Variants in PTPRT observed in about 807,000 individuals in gnomAD.
The protein encoded by PTPRT is receptor-type tyrosine-protein phosphatase T.
Under a neutral mutation model 176.8 loss-of-function variants are expected in PTPRT, and 56 were observed. That is an observed-to-expected ratio of 0.32 (90% CI 0.26 to 0.40). PTPRT has a LOEUF of 0.40. PTPRT is among the 10% of genes least tolerant of loss of function. PTPRT has a pLI of 1.00. For synonymous variants in PTPRT, 783 were observed against 739.0 expected (o/e 1.06, Z -0.96); for missense variants, 1,540 against 1,908.2 (o/e 0.81, Z 3.60).
intron 8 of PTPRT, among the ~76,000 whole-genome samples, chr20:42,454,035 G>A (rs990093727): frequency 6.6e-5 from 10 of 151,526 alleles, no homozygotes; most frequent in Admixed American, 2.0e-4. Context: ...ATTTTTATTC[G>A]GAGTTCTAAA....
intron 7 of PTPRT, among the ~76,000 whole-genome samples, chr20:42,605,090 T>TAC (rs2073851610): frequency 6.6e-6 from 1 of 151,816 alleles, no homozygotes; most frequent in African/African-American, 2.4e-5. Flanking sequence ...GAGTGAGGCG[T>TAC]GACCCAAGCA....
At chr20:42,830,295 G>A (rs886264896) in intron 2 of PTPRT, among the ~76,000 whole-genome samples, 1 of 152,194 alleles carries the variant, frequency 6.6e-6, no homozygotes, top group African/African-American at 2.4e-5. Context: ...GGTTCAACAT[G>A]TGCAAATCAA....
At chr20:42,790,501 A>C (rs2145542191) in intron 3 of PTPRT, among the ~76,000 whole-genome samples, 1 of 152,178 alleles carries the variant, frequency 6.6e-6, no homozygotes, top group East Asian at 1.9e-4. Context: ...GCACTGCTTT[A>C]AACTAAGTTC....
chr20:42,457,382 ATTAG>A (rs1357103969), intron 8 of PTPRT, among the ~76,000 whole-genome samples: 4 of 152,168 alleles, frequency 2.6e-5, no homozygotes, highest in Non-Finnish European at 5.9e-5. Context: ...GAGCATGCGT[ATTAG>A]TTTTTTTGTT....
rs1315809674 is a variant in PTPRT at position 42,677,891 on chromosome 20, G to A, written c.1128C>T (p.Pro376=). The A allele has an allele frequency of 5.0e-6, 8 of 1,613,866 alleles. No homozygotes were observed. In the African/African-American group the frequency reaches 1.1e-4, roughly 22 times the overall value. ...GEGGTGPPGP[P]LTTRTKCADP... is the part of the protein sequence containing the mutation. ...CTGCACACTTGGTCCTGGTGGTGAGGGGAGGCCCTGGCGGTCCCGTACCCC... is the reference window on the plus strand; with the variant it reads ...CTGCACACTTGGTCCTGGTGGTGAGAGGAGGCCCTGGCGGTCCCGTACCCC... The change falls in exon 7 of 31, where the codon CCC becomes CCT. Residue 376 remains proline (P), a synonymous_variant. Coordinates refer to ENST00000373187, the MANE Select transcript of PTPRT (RefSeq NM_007050.6).
rs547391453 is a variant in PTPRT at position 42,312,267 on chromosome 20, G to A, written c.2139+3456C>T. On this transcript the variant is annotated intron_variant, in intron 12 of 30. Coordinates refer to ENST00000373187, the MANE Select transcript of PTPRT (RefSeq NM_007050.6). ...GGGAACGTGGGAGCCCCTGGATACC[G>A]AGAATGGCTTTCTGATGTATTTGCA... Among the ~76,000 whole-genome samples, 35 of 152,250 alleles carry A rather than the reference G, an allele frequency of 2.3e-4. 1 individual carries two copies. Among genetic ancestry groups the A allele is most frequent in the Admixed American group, 2.0e-3 (30 of 15,290 alleles).
chr20:42,149,716 G>A (rs993835417), intron 17 of PTPRT, among the ~76,000 whole-genome samples: 4 of 152,156 alleles, frequency 2.6e-5, no homozygotes, highest in East Asian at 1.9e-4. Context: ...GAGCCACCGC[G>A]CCTGACCCAG....
Position 42,889,603 on chromosome 20 carries a change from G to C in PTPRT, c.89-3671C>G, listed in dbSNP as rs1227511827. Among the ~76,000 whole-genome samples, 3 of 152,184 alleles carry C rather than the reference G, an allele frequency of 2.0e-5. No homozygotes were observed. In the East Asian group the frequency reaches 5.8e-4, roughly 29 times the overall value. On this transcript the variant is annotated intron_variant, in intron 1 of 30. Transcript: ENST00000373187. Reference sequence around the variant, plus strand: ...GAAGAGTTTCTAGAAATGGGCTCCTGTTCTGCACTTTTATCACTCATACAT... The same window carrying C: ...GAAGAGTTTCTAGAAATGGGCTCCTCTTCTGCACTTTTATCACTCATACAT...
the PTPRT span, among the ~76,000 whole-genome samples, chr20:42,036,777 A>C: frequency 2.6e-5 from 4 of 152,232 alleles, no homozygotes; most frequent in South Asian, 8.3e-4. Context: ...AGGTGAGGAG[A>C]CCCAGGGAGT....
At chr20:42,053,473 G>T in the PTPRT span, among the ~76,000 whole-genome samples, 1 of 152,320 alleles carries the variant, frequency 6.6e-6, no homozygotes, top group South Asian at 2.1e-4. Flanking sequence ...AAGCTCCGCT[G>T]TGGGCCTCAA....
At chr20:42,380,653 G>A (rs1344275460) in intron 9 of PTPRT, among the ~76,000 whole-genome samples, 2 of 152,214 alleles carry the variant, frequency 1.3e-5, no homozygotes, top group Non-Finnish European at 2.9e-5. Flanking sequence ...ACGGCTCTTA[G>A]CGTAGCTTTG....
At chr20:42,733,707 G>A (rs1280603155) in intron 6 of PTPRT, among the ~76,000 whole-genome samples, 1 of 152,214 alleles carries the variant, frequency 6.6e-6, no homozygotes, top group Non-Finnish European at 1.5e-5. Context: ...GCAGCCATCG[G>A]AGGCTACAGG....
chr20:42,766,198 C>G (rs1157654014), intron 5 of PTPRT, among the ~76,000 whole-genome samples: 1 of 152,154 alleles, frequency 6.6e-6, no homozygotes, highest in African/African-American at 2.4e-5. Context: ...GGAATGCACA[C>G]CATCTCCTTG....
chr20:42,958,719 G>T (rs1296112459), intron 1 of PTPRT, among the ~76,000 whole-genome samples: 1 of 151,872 alleles, frequency 6.6e-6, no homozygotes, highest in Non-Finnish European at 1.5e-5. Flanking sequence ...GAGAGAAAAG[G>T]ACTGCTGTTA....
rs55683344 is a variant in PTPRT at position 42,079,703 on chromosome 20, C to T, written c.*1176G>A. On this transcript the variant is annotated 3_prime_UTR_variant, in exon 31 of 31. Coordinates refer to ENST00000373187, the MANE Select transcript of PTPRT (RefSeq NM_007050.6). ...TCCACAATGGCCTTTTTCAAGGTGG[C>T]TGCTGGGTTTCTTTAGGAAGGAGTT... 0.21 allele frequency: 46,976 copies of T among 228,528 alleles called. 5,324 individuals are homozygous for T. The highest frequency in any genetic ancestry group is 0.26 in the Middle Eastern group (194 of 750). The allele number at this position is 228,528 out of a possible 1,614,324, so 14.2% of individuals were successfully genotyped here.
chr20:42,873,938 T>G (rs1162292886), intron 2 of PTPRT, among the ~76,000 whole-genome samples: 1 of 152,244 alleles, frequency 6.6e-6, no homozygotes, highest in African/African-American at 2.4e-5. Context: ...TATCTTAGAA[T>G]GCATATTTGT....
intron 1 of PTPRT, among the ~76,000 whole-genome samples, chr20:43,160,156 C>G (rs1187741306): frequency 6.6e-6 from 1 of 152,124 alleles, no homozygotes; most frequent in African/African-American, 2.4e-5. Flanking sequence ...CACCAGAATA[C>G]CAACGAGCAG....
At chr20:43,148,832 C>T (rs922796052) in intron 1 of PTPRT, among the ~76,000 whole-genome samples, 12 of 152,066 alleles carry the variant, frequency 7.9e-5, no homozygotes, top group South Asian at 6.2e-4. Context: ...AAAATAAAGC[C>T]GCAGAAGTGA....
At chr20:42,698,878 T>C (rs181433232) in intron 6 of PTPRT, among the ~76,000 whole-genome samples, 10 of 152,190 alleles carry the variant, frequency 6.6e-5, no homozygotes, top group South Asian at 2.1e-4. Context: ...AATGAATGAA[T>C]GAACGAACAA....
Sources: gnomAD v4.1 joint callset for allele counts (sites outside exome capture counted in the v4.1 genomes callset) on GRCh38, gnomAD v4.1.1 for gene constraint, MANE v1.5 for transcripts, NCBI Gene and HGNC (gene_info 2026-07-23, HGNC 2026-07-21) for gene names.